The following ZC3H3 variants were observed in gnomAD, a reference collection of about 807,000 sequenced individuals.
The protein encoded by ZC3H3 is zinc finger CCCH domain-containing protein 3.
A neutral mutation model predicts 77.3 loss-of-function variants in ZC3H3; 36 were observed. That is an observed-to-expected ratio of 0.47 (90% CI 0.36 to 0.61). ZC3H3 has a LOEUF of 0.61. ZC3H3 is among the 20% of genes least tolerant of loss of function. The probability of loss-of-function intolerance (pLI) is 0.00; values close to 1 mark genes in which losing one functional copy is unlikely to be tolerated. For synonymous variants in ZC3H3, 626 were observed against 555.2 expected, an observed-to-expected ratio of 1.13 and a Z score of -1.79; for missense variants, 1,331 against 1,312.2, an observed-to-expected ratio of 1.01 and a Z score of -0.22.
At chr8:143,510,177 C>T (rs560586002) in intron 3 of ZC3H3, among the ~76,000 whole-genome samples, 1 of 152,358 alleles carries the variant, frequency 6.6e-6, no homozygotes, top group African/African-American at 2.4e-5. Flanking sequence ...TAACGCAGCG[C>T]CAGCCTCTTG....
chr8:143,444,142 T>C lies in ZC3H3; in HGVS notation c.2308-3022A>G, dbSNP rs565527110. Among the ~76,000 whole-genome samples, 123 of 152,260 alleles carry C rather than the reference T, an allele frequency of 8.1e-4. 1 individual carries two copies. The highest frequency in any genetic ancestry group is 2.9e-3 in the African/African-American group (122 of 41,552). The stretch of plus-strand genomic sequence containing the variant: ...GGTGCCCGCCACCATGCCTGGCTAC[T>C]TTTTTGTATTTTTAGTAGAGATGGG... On this transcript the variant is annotated intron_variant, in intron 9 of 11. Coordinates refer to ENST00000262577, the MANE Select transcript of ZC3H3 (RefSeq NM_015117.3).
intron 4 of ZC3H3, among the ~76,000 whole-genome samples, chr8:143,506,753 C>A (rs930762297): frequency 6.6e-6 from 1 of 152,172 alleles, no homozygotes; most frequent in African/African-American, 2.4e-5. Flanking sequence ...CTGGTGGGCT[C>A]GCCAGCTGGC....
At chr8:143,531,391 G>C (rs1282662148) in intron 3 of ZC3H3, among the ~76,000 whole-genome samples, 2 of 152,210 alleles carry the variant, frequency 1.3e-5, no homozygotes, top group Non-Finnish European at 1.5e-5. Flanking sequence ...CCCGCCCCCA[G>C]CCGAGGTCTG....
At chr8:143,499,049 G>A (rs1049377768) in intron 4 of ZC3H3, among the ~76,000 whole-genome samples, 10 of 152,090 alleles carry the variant, frequency 6.6e-5, no homozygotes, top group Non-Finnish European at 1.5e-4. Flanking sequence ...AAGGGGCGGA[G>A]AGCTGCCGAA....
At chr8:143,499,844 G>A (rs955300964) in intron 4 of ZC3H3, among the ~76,000 whole-genome samples, 1 of 152,164 alleles carries the variant, frequency 6.6e-6, no homozygotes, top group Non-Finnish European at 1.5e-5. Context: ...AGGTAGCAGG[G>A]AGGCAGTAAA....
At chr8:143,540,146 TAC>T (rs1475600438) in intron 1 of ZC3H3, among the ~76,000 whole-genome samples, 1 of 152,264 alleles carries the variant, frequency 6.6e-6, no homozygotes, top group East Asian at 1.9e-4. Context: ...CTCTTATCCA[TAC>T]ACACTTTCCC....
chr8:143,438,912 G>A (rs1285446835), intron 11 of ZC3H3, among the ~76,000 whole-genome samples: 2 of 152,190 alleles, frequency 1.3e-5, no homozygotes, highest in African/African-American at 2.4e-5. Flanking sequence ...CCCTGCGGTG[G>A]CCGCTCCAGC....
intron 1 of ZC3H3, among the ~76,000 whole-genome samples, chr8:143,539,680 G>A (rs971733057): frequency 5.9e-5 from 9 of 152,306 alleles, no homozygotes; most frequent in African/African-American, 1.9e-4. Context: ...GATCCCCTCT[G>A]CACTGTTTGA....
At chr8:143,464,930 AG>A (rs1484783352) in intron 9 of ZC3H3, among the ~76,000 whole-genome samples, 1 of 151,672 alleles carries the variant, frequency 6.6e-6, no homozygotes, top group Non-Finnish European at 1.5e-5. Flanking sequence ...GCTGGGGTAG[AG>A]GGGGCTTGTA....
At chr8:143,482,823 T>C (rs1394519597) in intron 4 of ZC3H3, among the ~76,000 whole-genome samples, 1 of 152,046 alleles carries the variant, frequency 6.6e-6, no homozygotes, top group Non-Finnish European at 1.5e-5. Context: ...GGCATAAGTA[T>C]GGTGACAGCA....
rs1030329722 is a variant in ZC3H3, at chr8:143,494,557, C to T, written c.1715+13189G>A. ...TCAGGGCCTCAGAGCACAGCGGCGC[C>T]GGCAGAACCCAGAGCGAGGGCCAGC... On this transcript the variant is annotated intron_variant, in intron 4 of 11. Transcript: ENST00000262577. This position sits in a 1 kb window ranked among gnomAD's most constrained non-coding sequence, Gnocchi z 5.3. 4.6e-5 allele frequency among the ~76,000 whole-genome samples: 7 copies of T among 152,110 alleles called. No individual in the cohort carries two copies. The highest frequency in any genetic ancestry group is 1.4e-4 in the African/African-American group (6 of 41,422).
chr8:143,538,653 G>A lies in ZC3H3; in HGVS notation c.714C>T (p.Arg238=). 2 of 1,608,680 alleles carry A rather than the reference G, an allele frequency of 1.2e-6. No individual in the cohort carries two copies. Among genetic ancestry groups the A allele is most frequent in the Non-Finnish European group, 8.5e-7 (1 of 1,179,980 alleles). The stretch of plus-strand genomic sequence containing the variant: ...GCTTCCGGCCCAGGGCCACGCCAGT[G>A]CGTGGGGGCAGAGCGGAGGATGGGA... ...ASFPSSALPP[R]TGVALGRKLG... Residue 238 remains arginine, a synonymous_variant, in exon 2 of 12, where the codon CGC becomes CGT. Transcript: ENST00000262577.
At chr8:143,461,261 C>G (rs1217276048) in intron 9 of ZC3H3, among the ~76,000 whole-genome samples, 1 of 152,140 alleles carries the variant, frequency 6.6e-6, no homozygotes, top group East Asian at 1.9e-4. Context: ...AGGTGCTCTG[C>G]GCATCCAGGC....
intron 3 of ZC3H3, among the ~76,000 whole-genome samples, chr8:143,511,369 G>A (rs1439978774): frequency 6.6e-6 from 1 of 152,228 alleles, no homozygotes; most frequent in Non-Finnish European, 1.5e-5. Flanking sequence ...ATGTGGAGCA[G>A]GAGTGAGGGA....
In ZC3H3 at chr8:143,529,256, G is replaced by C. The variant is rs56108317; in HGVS notation, c.1561+7001C>G. Among the ~76,000 whole-genome samples, 174 of 151,812 alleles carry C rather than the reference G, an allele frequency of 1.1e-3. 2 individuals are homozygous for C. The highest frequency in any genetic ancestry group is 4.2e-3 in the African/African-American group (171 of 41,086). Reference sequence around the variant, plus strand: ...CTGGTCACCGGGAGAAGCCGCTGGGGACAGAGGGACAGAGGGGTAGGGGGC... The same window carrying C: ...CTGGTCACCGGGAGAAGCCGCTGGGCACAGAGGGACAGAGGGGTAGGGGGC... On this transcript the variant is annotated intron_variant, in intron 3 of 11. Transcript: ENST00000262577.
rs1586968486 is a variant in ZC3H3 at position 143,533,801 on chromosome 8, G to A, written c.1561+2456C>T. On this transcript the variant is annotated intron_variant, in intron 3 of 11. Transcript: ENST00000262577. The surrounding 1 kb of genome is among the most constrained non-coding windows in gnomAD (Gnocchi z 4.0). ...AGTGATTCTCCTGCCTCAGCCTCCC[G>A]AGTAGATGGGATTACAGACGCTCGC... Among the ~76,000 whole-genome samples, 2 of 150,260 alleles carry A rather than the reference G, an allele frequency of 1.3e-5. No homozygotes were observed. Among genetic ancestry groups the A allele is most frequent in the Non-Finnish European group, 3.0e-5 (2 of 67,792 alleles).
chr8:143,467,865 C>G (rs1373752604), intron 8 of ZC3H3, among the ~76,000 whole-genome samples: 1 of 151,792 alleles, frequency 6.6e-6, no homozygotes, highest in Non-Finnish European at 1.5e-5. Context: ...GCCCTGAGGC[C>G]TCAGCCCTGG....
chr8:143,523,016 C>A (rs912549083), intron 3 of ZC3H3, among the ~76,000 whole-genome samples: 11 of 152,238 alleles, frequency 7.2e-5, no homozygotes, highest in Non-Finnish European at 1.3e-4. Context: ...TACACAGAAC[C>A]TGAGCCCCCT....
chr8:143,480,857 G>A (rs1057366034), intron 4 of ZC3H3, among the ~76,000 whole-genome samples: 2 of 152,164 alleles, frequency 1.3e-5, no homozygotes, highest in African/African-American at 4.8e-5. Flanking sequence ...AAGGGGCCCG[G>A]TCTCTTGACT....
Sources: allele counts gnomAD v4.1 joint callset (sites outside exome capture counted in the v4.1 genomes callset), GRCh38; gene constraint gnomAD v4.1.1; non-coding constraint Gnocchi (gnomAD v3.1); transcripts MANE v1.5; gene names NCBI Gene and HGNC (gene_info 2026-07-23, HGNC 2026-07-21).